ANXA7: variants seen among roughly 807,000 people sequenced by gnomAD.
The protein encoded by ANXA7 is annexin A7.
In ANXA7, 55 loss-of-function variants were observed where a neutral mutation model predicts 64.9. That is an observed-to-expected ratio of 0.85 (90% CI 0.68 to 1.06). The LOEUF is 1.06. ANXA7 is among the 50% of genes least tolerant of loss of function. ANXA7 has a pLI of 0.00. For missense variants in ANXA7, 548 were observed against 582.1 expected (o/e 0.94, Z 0.60); for synonymous variants, 200 against 192.4 (o/e 1.04, Z -0.33).
chr10:73,376,117 A>G lies in ANXA7; in HGVS notation c.1379T>C (p.Leu460Pro), dbSNP rs770977948. The change falls in exon 13 of 13, where the codon CTT becomes CCT. Residue 460 changes from leucine to proline, a missense_variant. Leu to Pro is a moderately conservative substitution (Grantham distance 98, BLOSUM62 -3). Coordinates refer to ENST00000372921, the MANE Select transcript of ANXA7 (RefSeq NM_001156.5). Reference protein sequence around the residue: ...GDTSGDYRRLLLAIVGQ With the variant: ...GDTSGDYRRLPLAIVGQ ...CTCCTACTGGCCCACAATAGCCAGA[A>G]GAAGTCTTCGGTAATCTCCACTCGT... is the stretch of plus-strand genomic sequence containing the variant. The G allele has an allele frequency of 1.0e-5, 16 of 1,599,226 alleles. No individual in the cohort carries two copies. In the South Asian group the frequency reaches 1.9e-4, roughly 19 times the overall value.
chr10:73,403,472 A>G (rs1273930578), intron 1 of ANXA7, among the ~76,000 whole-genome samples: 3 of 152,128 alleles, frequency 2.0e-5, no homozygotes, highest in Non-Finnish European at 4.4e-5. Flanking sequence ...TGGGCAACAG[A>G]GTGAGACCGT....
chr10:73,383,689 T>A lies in ANXA7; in HGVS notation c.635A>T (p.Asp212Val). 1.3e-6 allele frequency: 2 copies of A among 1,586,818 alleles called. No homozygotes were observed. The highest frequency in any genetic ancestry group is 2.2e-5 in the East Asian group (1 of 44,690). ...KAAFKTSYGK[D>V]LIKDLKSELS... ...CTCTGATTTGAGATCTTTGATTAAA[T>A]CCTATTTAATCACAAATACAAGCTA... The change falls in exon 8 of 13, where the codon GAT becomes GTT. Residue 212 changes from aspartate to valine, a missense_variant and splice_region_variant. Coordinates refer to ENST00000372921, the MANE Select transcript of ANXA7 (RefSeq NM_001156.5).
rs2055578874 is a variant in ANXA7 at position 73,396,560 on chromosome 10, G to C, written c.394C>G (p.Pro132Ala). 6.2e-7 allele frequency: 1 copy of C among 1,610,562 alleles called. No individual in the cohort carries two copies. Among genetic ancestry groups the C allele is most frequent in the African/African-American group, 1.3e-5 (1 of 74,750 alleles). Residue 132 changes from proline to alanine, a missense_variant, in exon 5 of 13, where the codon CCT (proline) becomes GCT (alanine). Transcript: ENST00000372921. ...LPGGFPGGQM[P>A]SQYPGGQPTY... Reference sequence around the variant, plus strand: ...GGTTGTCCTCCAGGATACTGAGAAGGCATCTGTCCTCCAGGAAAGCCACCT... The same window carrying C: ...GGTTGTCCTCCAGGATACTGAGAAGCCATCTGTCCTCCAGGAAAGCCACCT...
intron 5 of ANXA7, among the ~76,000 whole-genome samples, chr10:73,391,232 G>C (rs1042768449): frequency 6.6e-6 from 1 of 151,336 alleles, no homozygotes; most frequent in Non-Finnish European, 1.5e-5. Context: ...TTCTAGGGGA[G>C]AGTTCTCAGC....
chr10:73,379,919 A>G lies in ANXA7; in HGVS notation c.1125T>C (p.Arg375=), dbSNP rs767448967. 1.9e-6 allele frequency: 3 copies of G among 1,614,188 alleles called. No individual in the cohort carries two copies. Among genetic ancestry groups the G allele is most frequent in the Non-Finnish European group, 2.5e-6 (3 of 1,180,014 alleles). ...ANRDLLSSVS[R]EFSGYVESGL... is the part of the protein sequence containing the mutation. Reference sequence around the variant, plus strand: ...CACTTTCTACATATCCGGAAAACTCACGGCTCACACTGCTTAACAAGTCTC... The same window carrying G: ...CACTTTCTACATATCCGGAAAACTCGCGGCTCACACTGCTTAACAAGTCTC... Residue 375 remains arginine (R), a synonymous_variant, in exon 11 of 13, where the codon CGT becomes CGC. Coordinates refer to ENST00000372921, the MANE Select transcript of ANXA7 (RefSeq NM_001156.5).
chr10:73,380,200 C>A lies in ANXA7; in HGVS notation c.920G>T (p.Gly307Val). 1 of 1,600,064 alleles carries A rather than the reference C, an allele frequency of 6.2e-7. No individual in the cohort carries two copies. The highest frequency in any genetic ancestry group is 8.5e-7 in the Non-Finnish European group (1 of 1,176,540). Residue 307 changes from glycine (G) to valine (V), a missense_variant and splice_region_variant, in exon 10 of 13, where the codon GGA (glycine) becomes GTA (valine). Physicochemically the swap from Gly to Val is moderately radical, Grantham distance 109. Coordinates refer to ENST00000372921, the MANE Select transcript of ANXA7 (RefSeq NM_001156.5). ...TATACTCTGGTTCTCATCACGATTT[C>A]CCTGCAAAAGAGAAAGGCAGGAATT... ...FERLLVSMCQGNRDENQSINH... is the reference protein window; with the variant it reads ...FERLLVSMCQVNRDENQSINH...
chr10:73,413,095 G>A (rs1385397549), intron 1 of ANXA7, among the ~76,000 whole-genome samples: 1 of 152,178 alleles, frequency 6.6e-6, no homozygotes, highest in Non-Finnish European at 1.5e-5. Flanking sequence ...GTGATGTGGA[G>A]AAAGAACATG....
At chr10:73,388,522 G>A (rs2055417333) in intron 5 of ANXA7, 108 bp from the exon 6 acceptor site, 2 of 802,686 alleles carry the variant, frequency 2.5e-6, no homozygotes, top group African/African-American at 1.7e-5. Context: ...GCCAATGTTT[G>A]GGTTTTAAGG....
intron 1 of ANXA7, among the ~76,000 whole-genome samples, chr10:73,412,185 T>G (rs867855306): frequency 1.5e-4 from 22 of 151,610 alleles, no homozygotes; most frequent in Admixed American, 5.2e-4. Context: ...TACAGGCGCC[T>G]GCCACCACGC....
chr10:73,388,447 A>C, intron 5 of ANXA7, 33 bp from the exon 6 acceptor site: 1 of 1,521,112 alleles, frequency 6.6e-7, no homozygotes, highest in South Asian at 1.1e-5. Context: ...CCGTGTCAGC[A>C]TTTCCAGTAA....
chr10:73,390,693 AAT>A (rs142703167), intron 5 of ANXA7, among the ~76,000 whole-genome samples: 7,660 of 127,338 alleles, frequency 0.06, 215 homozygotes, highest in African/African-American at 0.075. Flanking sequence ...TCTTTTGTAA[AAT>A]ATATATATAT....
At chr10:73,388,698 T>C (rs2055420307) in intron 5 of ANXA7, among the ~76,000 whole-genome samples, 1 of 152,178 alleles carries the variant, frequency 6.6e-6, no homozygotes, top group Non-Finnish European at 1.5e-5. Flanking sequence ...TTACTATAGT[T>C]TCCTTTTTGG....
chr10:73,410,642 C>T lies in ANXA7; in HGVS notation c.-2+3370G>A, dbSNP rs553630824. ...ACCAAAAATAACAAAATTAGCTGGG[C>T]ATGGTGGCGTGTGACTGTAATCCCA... On this transcript the variant is annotated intron_variant, in intron 1 of 12. Transcript: ENST00000372921. Among the ~76,000 whole-genome samples the T allele has an allele frequency of 1.5e-4, 23 of 152,136 alleles. 1 individual carries two copies. In the South Asian group the frequency reaches 4.8e-3, roughly 32 times the overall value.
intron 5 of ANXA7, among the ~76,000 whole-genome samples, chr10:73,391,762 T>C (rs1420743687): frequency 6.6e-6 from 1 of 152,064 alleles, no homozygotes; most frequent in Non-Finnish European, 1.5e-5. Flanking sequence ...CACAGACACA[T>C]CCATACTCAA....
chr10:73,403,863 T>C (rs1476107337), intron 1 of ANXA7, among the ~76,000 whole-genome samples: 2 of 152,342 alleles, frequency 1.3e-5, no homozygotes, highest in East Asian at 1.9e-4. Flanking sequence ...TTAGCCTTTT[T>C]AGGCCTTCAT....
chr10:73,398,515 A>G, intron 2 of ANXA7, 130 bp from the exon 3 acceptor site: 1 of 806,758 alleles, frequency 1.2e-6, no homozygotes, highest in Non-Finnish European at 1.9e-6. Flanking sequence ...TCCCATTAGA[A>G]ATCCTGGTAT....
intron 5 of ANXA7, among the ~76,000 whole-genome samples, chr10:73,395,582 G>A (rs75647313): frequency 0.011 from 1,726 of 152,168 alleles, 15 homozygotes; most frequent in African/African-American, 0.021. Context: ...TCAAGAGTTC[G>A]AGACCAGCCT....
intron 9 of ANXA7, among the ~76,000 whole-genome samples, chr10:73,381,833 T>C (rs1021850981): frequency 1.4e-5 from 2 of 144,684 alleles, no homozygotes; most frequent in African/African-American, 5.3e-5. Context: ...TCAACCCATT[T>C]ACTTTGCTTT....
chr10:73,397,318 G>T, intron 3 of ANXA7, 44 bp from the exon 4 acceptor site: 2 of 1,276,512 alleles, frequency 1.6e-6, no homozygotes, highest in South Asian at 1.4e-5. Flanking sequence ...CAGTTCTCAT[G>T]ATTGCAGAAA....
Sources: gnomAD v4.1 joint callset for allele counts (sites outside exome capture counted in the v4.1 genomes callset) on GRCh38, gnomAD v4.1.1 for gene constraint, MANE v1.5 for transcripts, NCBI Gene and HGNC (gene_info 2026-07-23, HGNC 2026-07-21) for gene names.